The following BMPR1B variants were observed in gnomAD, a reference collection of about 807,000 sequenced individuals.
BMPR1B encodes bone morphogenetic protein receptor type-1B.
In BMPR1B, 12 loss-of-function variants were observed where a neutral mutation model predicts 59.1. The ratio of observed to expected loss-of-function variants is 0.20; its 90% CI spans 0.13 to 0.33. The LOEUF (loss-of-function observed/expected upper bound fraction) is 0.33, where lower values mean the gene tolerates loss of function less well. Ranked by LOEUF, BMPR1B falls within the 10% of genes least tolerant of loss-of-function variation. The pLI, the probability that BMPR1B is intolerant of heterozygous loss-of-function variation, is 1.00. For missense variants in BMPR1B, 550 were observed against 610.9 expected, an observed-to-expected ratio of 0.90 and a Z score of 1.05; for synonymous variants, 237 against 207.3, an observed-to-expected ratio of 1.14 and a Z score of -1.23.
intron 2 of BMPR1B, among the ~76,000 whole-genome samples, chr4:94,917,586 TA>T (rs1411870438): frequency 6.6e-6 from 1 of 152,170 alleles, no homozygotes; most frequent in Non-Finnish European, 1.5e-5. Flanking sequence ...TTTAGAATGG[TA>T]GTGTTTACTC....
At chr4:94,865,222 T>G (rs890537909) in intron 1 of BMPR1B, among the ~76,000 whole-genome samples, 1 of 152,170 alleles carries the variant, frequency 6.6e-6, no homozygotes, top group African/African-American at 2.4e-5. Context: ...TTGGCCAGGC[T>G]GGTCTCGAAC....
chr4:95,010,535 AT>A (rs1475365194), intron 3 of BMPR1B, among the ~76,000 whole-genome samples: 1 of 152,042 alleles, frequency 6.6e-6, no homozygotes, highest in Non-Finnish European at 1.5e-5. Context: ...TAAAAGAGAA[AT>A]TTCAGTAGTA....
intron 2 of BMPR1B, among the ~76,000 whole-genome samples, chr4:94,887,105 G>A (rs1308740311): frequency 6.6e-6 from 1 of 151,780 alleles, no homozygotes; most frequent in African/African-American, 2.4e-5. Context: ...AAGGAAAAGG[G>A]TTAAATTAGG....
Position 95,154,774 on chromosome 4 carries a change from T to C in BMPR1B, c.*101T>C, listed in dbSNP as rs1371444254. ...AAATAAGCATCCACAGTACAAGCCT[T>C]GAACATCGTCCTGCTTCCCAGTGGG... is the stretch of plus-strand genomic sequence containing the variant. On this transcript the variant is annotated 3_prime_UTR_variant, in exon 13 of 13. Transcript: ENST00000515059. The C allele has an allele frequency of 1.3e-6, 2 of 1,538,326 alleles. No individual in the cohort carries two copies. The highest frequency in any genetic ancestry group is 1.1e-5 in the South Asian group (1 of 87,546).
intron 1 of BMPR1B, among the ~76,000 whole-genome samples, chr4:94,813,808 T>A (rs1292954322): frequency 6.6e-6 from 1 of 152,118 alleles, no homozygotes. Context: ...ACATTCAGAC[T>A]GTATGTCCTG....
Position 95,115,787 on chromosome 4 carries a change from G to A in BMPR1B, c.349G>A (p.Asp117Asn), listed in dbSNP as rs571763786. The A allele has an allele frequency of 1.9e-6, 3 of 1,607,950 alleles. No individual in the cohort carries two copies. In the African/African-American group the frequency reaches 4.0e-5, roughly 21 times the overall value. The part of the protein sequence containing the change: ...HPTLPPLKNR[D>N]FVDGPIHHRA... ...TACACTGCCTCCATTGAAAAACAGA[G>A]GTAAGTGAGGAAGGCTTCCAGCCTG... The change falls in exon 6 of 13, where the codon GAT (aspartate) becomes AAT (asparagine). Residue 117 changes from aspartate to asparagine, a missense_variant and splice_region_variant. Physicochemically the swap from Asp to Asn is conservative, Grantham distance 23. Around this residue, in one of 6 missense-constraint regions of BMPR1B, gnomAD observed 20 missense variants for 39.9 expected, o/e 0.50. Transcript: ENST00000515059.
chr4:94,954,257 A>C (rs1485399441), intron 2 of BMPR1B, among the ~76,000 whole-genome samples: 1 of 152,132 alleles, frequency 6.6e-6, no homozygotes, highest in Non-Finnish European at 1.5e-5. Flanking sequence ...GCTCATTACT[A>C]TACCTTAGCT....
intron 1 of BMPR1B, among the ~76,000 whole-genome samples, chr4:94,812,711 G>A (rs752350875): frequency 2.6e-5 from 4 of 152,166 alleles, no homozygotes; most frequent in Non-Finnish European, 4.4e-5. Flanking sequence ...GGGGGAGCAC[G>A]GAATGGACAG....
intron 10 of BMPR1B, among the ~76,000 whole-genome samples, chr4:95,144,480 T>G (rs551022795): frequency 9.3e-3 from 278 of 29,928 alleles, no homozygotes; most frequent in Non-Finnish European, 0.016. Context: ...CACCAGGCCT[T>G]TTTTTTTTTT....
chr4:94,788,873 G>A (rs556850806), intron 1 of BMPR1B, among the ~76,000 whole-genome samples: 6 of 152,230 alleles, frequency 3.9e-5, no homozygotes, highest in South Asian at 4.1e-4. Context: ...CTTCCTCTTC[G>A]GCATGGCCCC....
intron 3 of BMPR1B, among the ~76,000 whole-genome samples, chr4:94,999,109 T>G (rs978163041): frequency 1.3e-5 from 2 of 152,154 alleles, no homozygotes; most frequent in African/African-American, 4.8e-5. Flanking sequence ...CCCAGTACTT[T>G]GCAAAGCTTG....
chr4:95,145,425 C>T (rs1018762770), intron 10 of BMPR1B, among the ~76,000 whole-genome samples: 10 of 152,324 alleles, frequency 6.6e-5, no homozygotes, highest in African/African-American at 2.4e-4. Context: ...CAGAAGGCAC[C>T]CTGCCCTTTT....
intron 3 of BMPR1B, among the ~76,000 whole-genome samples, chr4:95,006,272 C>T (rs1456735138): frequency 1.3e-5 from 2 of 150,462 alleles, no homozygotes; most frequent in East Asian, 2.0e-4. Context: ...GGGCCGGGCG[C>T]GATGGCTCAC....
intron 3 of BMPR1B, among the ~76,000 whole-genome samples, chr4:95,032,973 TC>T (rs1224033776): frequency 6.6e-6 from 1 of 152,184 alleles, no homozygotes; most frequent in Non-Finnish European, 1.5e-5. Context: ...TTCTCCACAT[TC>T]TTACCAACAC....
At position 94,979,787 on chromosome 4, in the gene BMPR1B, C is replaced by T. The variant is rs575094075; in HGVS notation, c.-112-16253C>T. Among the ~76,000 whole-genome samples the T allele has an allele frequency of 3.9e-5, 6 of 152,284 alleles. 1 individual carries two copies. The South Asian group carries it at 1.2e-3, about 32-fold the overall frequency. On this transcript the variant is annotated intron_variant, in intron 2 of 12. Coordinates refer to ENST00000515059, the MANE Select transcript of BMPR1B (RefSeq NM_001203.3). ...TGCCAGCATCTCCTTTCTTCTTGGC[C>T]ACACCAGCTTGGCTAATCTTCTGTC...
intron 3 of BMPR1B, among the ~76,000 whole-genome samples, chr4:95,006,898 A>G (rs1722882868): frequency 6.6e-6 from 1 of 152,110 alleles, no homozygotes; most frequent in Admixed American, 6.6e-5. Flanking sequence ...AAAATAAGTA[A>G]TTTTACTTTC....
intron 1 of BMPR1B, among the ~76,000 whole-genome samples, chr4:94,872,621 G>T (rs966868552): frequency 1.3e-5 from 2 of 152,138 alleles, no homozygotes; most frequent in African/African-American, 4.8e-5. Context: ...AGTGGAGCAT[G>T]CCTGTAGTCC....
chr4:95,076,426 T>G (rs1346955071), intron 3 of BMPR1B, among the ~76,000 whole-genome samples: 2 of 152,110 alleles, frequency 1.3e-5, no homozygotes, highest in African/African-American at 4.8e-5. Context: ...AAAATCAGAG[T>G]TGGATGCATA....
chr4:95,093,989 T>C (rs577663478), intron 3 of BMPR1B, among the ~76,000 whole-genome samples: 92 of 152,254 alleles, frequency 6.0e-4, no homozygotes, highest in Non-Finnish European at 1.1e-3. Context: ...TTCCCTCTTA[T>C]GCACTCCTGT....
Sources: gnomAD v4.1 joint callset for allele counts (sites outside exome capture counted in the v4.1 genomes callset) on GRCh38, gnomAD v4.1.1 for gene constraint, gnomAD v4.1.1 regional missense constraint, MANE v1.5 for transcripts, NCBI Gene and HGNC (gene_info 2026-07-23, HGNC 2026-07-21) for gene names.